Variants in IL1RAPL1 observed in about 807,000 individuals in gnomAD.
IL1RAPL1 encodes interleukin-1 receptor accessory protein-like 1.
IL1RAPL1 carries 3 observed loss-of-function variants against 48.4 expected under a neutral mutation model. The ratio of observed to expected loss-of-function variants is 0.06; its 90% confidence interval spans 0.03 to 0.16. IL1RAPL1 has a LOEUF of 0.16. Ranked by LOEUF, IL1RAPL1 falls within the 10% of genes least tolerant of loss-of-function variation. The pLI is 1.00. For synonymous variants in IL1RAPL1, 185 were observed against 187.7 expected (o/e 0.99, Z 0.12); for missense variants, 349 against 530.6 (o/e 0.66, Z 3.36).
intron 5 of IL1RAPL1, among the ~76,000 whole-genome samples, chrX:29,490,832 G>A (rs987945215): frequency 7.8e-5 from 6 of 76,615 alleles, no homozygotes; most frequent in Non-Finnish European, 1.2e-4. Context: ...CTCATCTGAG[G>A]TATGTGTGTG....
chrX:29,830,157 A>G (rs1186014356), intron 6 of IL1RAPL1, among the ~76,000 whole-genome samples: 1 of 111,794 alleles, frequency 8.9e-6, no homozygotes, highest in Non-Finnish European at 1.9e-5. Context: ...CCTCTTATAC[A>G]TTAGCCAAAA....
chrX:29,225,302 G>T (rs1031341860), intron 2 of IL1RAPL1, among the ~76,000 whole-genome samples: 10 of 111,825 alleles, frequency 8.9e-5, no homozygotes, highest in African/African-American at 3.3e-4. Context: ...TTAGACATCC[G>T]TGCTTATCTA....
intron 2 of IL1RAPL1, among the ~76,000 whole-genome samples, chrX:29,259,420 A>T (rs192759029): frequency 2.7e-5 from 3 of 111,067 alleles, no homozygotes; most frequent in Non-Finnish European, 3.8e-5. Context: ...TAAATGGGAT[A>T]TTTATTTAAG....
chrX:29,831,856 T>A (rs1930885769), intron 6 of IL1RAPL1, among the ~76,000 whole-genome samples: 1 of 111,879 alleles, frequency 8.9e-6, no homozygotes, highest in Admixed American at 9.5e-5. Context: ...AGGGCCATTA[T>A]GTCCCAATAT....
chrX:29,725,904 G>C (rs1927764321), intron 6 of IL1RAPL1, among the ~76,000 whole-genome samples: 1 of 112,153 alleles, frequency 8.9e-6, no homozygotes, highest in Admixed American at 9.5e-5. Flanking sequence ...CAATCAATCT[G>C]TATTCTCTTC....
chrX:29,562,014 ATTTTC>A (rs1922214219), intron 5 of IL1RAPL1, among the ~76,000 whole-genome samples: 1 of 107,930 alleles, frequency 9.3e-6, no homozygotes, highest in Admixed American at 1.0e-4. Context: ...TTATTTTTAT[ATTTTC>A]TTTTTCTTTT....
intron 6 of IL1RAPL1, among the ~76,000 whole-genome samples, chrX:29,776,208 C>T (rs1407829261): frequency 7.2e-5 from 8 of 111,215 alleles, no homozygotes; most frequent in African/African-American, 2.6e-4. Context: ...GATCTGGACC[C>T]CTCATCTCCT....
chrX:29,906,497 ATATATATATATATATATATATAT>A (rs1932630791), intron 6 of IL1RAPL1, among the ~76,000 whole-genome samples: 2 of 44,864 alleles, frequency 4.5e-5, no homozygotes, highest in African/African-American at 9.4e-5. Flanking sequence ...ATATATATAT[ATATATATATATATATATATATAT>A]ATTTCTGTAG....
At chrX:28,831,844 TATA>T (rs1291057727) in intron 2 of IL1RAPL1, among the ~76,000 whole-genome samples, 1 of 111,586 alleles carries the variant, frequency 9.0e-6, no homozygotes, top group Non-Finnish European at 1.9e-5. Context: ...TTCTTTATGA[TATA>T]ATATTTTGAC....
chrX:29,578,422 C>G, intron 5 of IL1RAPL1, among the ~76,000 whole-genome samples: 1 of 111,922 alleles, frequency 8.9e-6, no homozygotes, highest in South Asian at 3.7e-4. Flanking sequence ...GCATAAATCA[C>G]TTAGCATTAT....
Position 29,607,328 on chromosome X carries a change from A to G in IL1RAPL1, c.704-61102A>G, listed in dbSNP as rs764763455. Among the ~76,000 whole-genome samples the G allele has an allele frequency of 8.0e-5, 9 of 112,110 alleles. No individual in the cohort carries two copies. In the East Asian group the frequency reaches 1.7e-3, roughly 21 times the overall value. ...CCTTACAATATACAGATAGTCTTCT[A>G]GTAAGTCATGACACACTGTAATTAA... is the stretch of plus-strand genomic sequence containing the variant. On this transcript the variant is annotated intron_variant, in intron 5 of 10. Coordinates refer to ENST00000378993, the MANE Select transcript of IL1RAPL1 (RefSeq NM_014271.4).
chrX:29,824,063 A>G (rs1252300617), intron 6 of IL1RAPL1, among the ~76,000 whole-genome samples: 1 of 111,343 alleles, frequency 9.0e-6, no homozygotes, highest in Non-Finnish European at 1.9e-5. Flanking sequence ...CACCAGAAAC[A>G]ATTATTTAAA....
At chrX:29,867,558 C>T (rs1931721166) in intron 6 of IL1RAPL1, among the ~76,000 whole-genome samples, 1 of 112,073 alleles carries the variant, frequency 8.9e-6, no homozygotes, top group African/African-American at 3.2e-5. Context: ...TCTTGCACTT[C>T]CCAGCCTTCA....
rs755901241 is a variant in IL1RAPL1, at chrX:29,292,873, C to A, written c.362+9656C>A. On this transcript the variant is annotated intron_variant, in intron 3 of 10. Transcript: ENST00000378993. The stretch of plus-strand genomic sequence containing the variant: ...AAAAAAGTCATATACAAGTGAAAGT[C>A]TTTAAAATAAGATTTCAAGTTTGGA... Among the ~76,000 whole-genome samples, 3 of 111,188 alleles carry A rather than the reference C, an allele frequency of 2.7e-5. No individual in the cohort carries two copies. In the East Asian group the frequency reaches 8.4e-4, roughly 31 times the overall value.
At chrX:29,423,908 C>G (rs1602228300) in intron 5 of IL1RAPL1, among the ~76,000 whole-genome samples, 1 of 111,244 alleles carries the variant, frequency 9.0e-6, no homozygotes, top group Middle Eastern at 4.6e-3. Flanking sequence ...TCTTCATTCC[C>G]TTTACAAAAA....
intron 6 of IL1RAPL1, among the ~76,000 whole-genome samples, chrX:29,838,076 TCCA>T (rs2147191962): frequency 8.9e-6 from 1 of 111,749 alleles, no homozygotes; most frequent in African/African-American, 3.3e-5. Flanking sequence ...AATTGCATTT[TCCA>T]GGGAAGAAGC....
At chrX:29,567,176 A>G (rs1922437974) in intron 5 of IL1RAPL1, among the ~76,000 whole-genome samples, 1 of 110,759 alleles carries the variant, frequency 9.0e-6, no homozygotes, top group East Asian at 2.8e-4. Context: ...GGTTAATGAG[A>G]ACATCTTATT....
At chrX:29,546,652 G>A in intron 5 of IL1RAPL1, among the ~76,000 whole-genome samples, 1 of 110,984 alleles carries the variant, frequency 9.0e-6, no homozygotes, top group South Asian at 3.8e-4. Context: ...TCCCCTGACC[G>A]CATGTCATCC....
intron 6 of IL1RAPL1, among the ~76,000 whole-genome samples, chrX:29,874,868 T>G (rs1931871191): frequency 8.9e-6 from 1 of 112,423 alleles, no homozygotes; most frequent in Non-Finnish European, 1.9e-5. Context: ...AAAAAAAATT[T>G]CATCTTAGCA....
Sources: allele counts gnomAD v4.1 joint callset (sites outside exome capture counted in the v4.1 genomes callset), GRCh38; gene constraint gnomAD v4.1.1; transcripts MANE v1.5; gene names NCBI Gene and HGNC (gene_info 2026-07-23, HGNC 2026-07-21).